Variants in KCNQ1 observed in about 807,000 individuals in gnomAD.
KCNQ1 encodes the protein potassium voltage-gated channel subfamily Q member 1, also known as potassium voltage-gated channel subfamily KQT member 1.
In KCNQ1, 49 loss-of-function variants were observed where a neutral mutation model predicts 72.4. The ratio of observed to expected loss-of-function variants is 0.68; its 90% CI spans 0.54 to 0.86. The LOEUF (loss-of-function observed/expected upper bound fraction) is 0.86, where lower values mean the gene tolerates loss of function less well. Among genes scored for constraint, KCNQ1 ranks in the 40% least tolerant of loss-of-function variants. The pLI, the probability that KCNQ1 is intolerant of heterozygous loss-of-function variation, is 0.00. For synonymous variants in KCNQ1, 450 were observed against 412.6 expected (o/e 1.09, Z -1.10); for missense variants, 790 against 945.1 (o/e 0.84, Z 2.15).
At chr11:2,610,569 C>A (rs1257621522) in intron 10 of KCNQ1, 1 of 398,318 alleles carries the variant, frequency 2.5e-6, no homozygotes, top group East Asian at 3.6e-5. Flanking sequence ...TTCCTGGGAG[C>A]ACTTCCTTTT....
intron 11 of KCNQ1, chr11:2,699,310 G>A (rs1248406914): frequency 4.0e-5 from 16 of 398,942 alleles, no homozygotes; most frequent in Non-Finnish European, 5.3e-5. Context: ...TGGGACGGCC[G>A]CGGGGCACAC....
chr11:2,587,747 C>T, intron 9 of KCNQ1, 55 bp downstream of exon 9: 4 of 1,611,066 alleles, frequency 2.5e-6, no homozygotes, highest in Middle Eastern at 1.6e-4. Context: ...GGTGGGGAGG[C>T]CGTGGGGGCC....
chr11:2,564,700 C>G lies in KCNQ1; in HGVS notation c.478-5928C>G, dbSNP rs879822224. 6.6e-6 allele frequency among the ~76,000 whole-genome samples: 1 copy of G among 152,234 alleles called. No homozygotes were observed. Among genetic ancestry groups the G allele is most frequent in the African/African-American group, 2.4e-5 (1 of 41,460 alleles). ...CAGCTCCAGAGCTTTTTTCATCTTG[C>G]AAAACTGATGAAAGTCTGTCCCCAT... On this transcript the variant is annotated intron_variant, in intron 2 of 15. Coordinates refer to ENST00000155840, the MANE Select transcript of KCNQ1 (RefSeq NM_000218.3). The surrounding 1 kb of genome is among the most constrained non-coding windows in gnomAD (Gnocchi z 4.5).
chr11:2,451,374 C>T lies in KCNQ1; in HGVS notation c.386+5890C>T, dbSNP rs113914394. Among the ~76,000 whole-genome samples the T allele has an allele frequency of 4.2e-3, 647 of 152,250 alleles. 8 individuals are homozygous for T. Among genetic ancestry groups the T allele is most frequent in the African/African-American group, 0.015 (617 of 41,536 alleles). ...CAACAGGAGGTAGAGCTCAGGTGGC[C>T]GTGCACATTCACCTGACGCTCACTC... On this transcript the variant is annotated intron_variant, in intron 1 of 15. Coordinates refer to ENST00000155840, the MANE Select transcript of KCNQ1 (RefSeq NM_000218.3). This position sits in a 1 kb window ranked among gnomAD's most constrained non-coding sequence, Gnocchi z 6.4.
At chr11:2,843,451 GCCTGGTCT>G (rs1314980667) in intron 15 of KCNQ1, among the ~76,000 whole-genome samples, 1 of 152,242 alleles carries the variant, frequency 6.6e-6, no homozygotes, top group Non-Finnish European at 1.5e-5. Flanking sequence ...GGGAGGCCCT[GCCTGGTCT>G]TTAGACACTG....
rs1848245782 is a variant in KCNQ1, at chr11:2,566,255, AG to A, written c.478-4370del. On this transcript the variant is annotated intron_variant, in intron 2 of 15. Transcript: ENST00000155840. The surrounding 1 kb of genome is among the most constrained non-coding windows in gnomAD (Gnocchi z 6.7). ...CTGCACCCACTCATCTGGCAGTAAC[AG>A]GGCCACTTCCAGAACCACCACCATG... Among the ~76,000 whole-genome samples, 1 of 152,202 alleles carries A rather than the reference AG, an allele frequency of 6.6e-6. No individual in the cohort carries two copies. Among genetic ancestry groups the A allele is most frequent in the South Asian group, 2.1e-4 (1 of 4,838 alleles).
intron 15 of KCNQ1, among the ~76,000 whole-genome samples, chr11:2,844,772 G>A (rs371335907): frequency 5.3e-5 from 8 of 152,344 alleles, no homozygotes; most frequent in African/African-American, 1.9e-4. Context: ...ACAGATGTTC[G>A]AGTGCCATAA....
At chr11:2,812,757 G>A (rs1320057693) in intron 15 of KCNQ1, among the ~76,000 whole-genome samples, 3 of 152,152 alleles carry the variant, frequency 2.0e-5, no homozygotes, top group South Asian at 2.1e-4. Context: ...CCACGCCCCC[G>A]AGGCCCCACG....
intron 1 of KCNQ1, among the ~76,000 whole-genome samples, chr11:2,527,051 A>G (rs1468945014): frequency 6.6e-6 from 1 of 152,122 alleles, no homozygotes; most frequent in Admixed American, 6.5e-5. Flanking sequence ...CCTGGAGGGT[A>G]CGTTTGCAGT....
rs534828466 is a variant in KCNQ1 at position 2,709,115 on chromosome 11, C to T, written c.1514+47034C>T. ...CTGGCGAGCGGCTGAGTGTGCTGCA[C>T]AGAATTCGCTGTAACCCTGTTGTGG... On this transcript the variant is annotated intron_variant, in intron 11 of 15. Transcript: ENST00000155840. Among the ~76,000 whole-genome samples, 19 of 152,256 alleles carry T rather than the reference C, an allele frequency of 1.2e-4. No homozygotes were observed. The East Asian group carries it at 3.5e-3, about 28-fold the overall frequency.
In KCNQ1 at chr11:2,664,739, AG is replaced by A; in HGVS notation, c.1514+2661del. On this transcript the variant is annotated intron_variant, in intron 11 of 15. Transcript: ENST00000155840. The surrounding 1 kb of genome is among the most constrained non-coding windows in gnomAD (Gnocchi z 5.1). ...ACACGCCCTGGTGTGTGTGAGGGAC[AG>A]GGATGTGTGCTGGGGTCTCACAGGG... The A allele has an allele frequency of 2.5e-6, 1 of 398,770 alleles. No individual in the cohort carries two copies. The highest frequency in any genetic ancestry group is 3.6e-5 in the East Asian group (1 of 28,088). The allele number at this position is 398,770 out of a possible 1,614,324, so 24.7% of individuals were successfully genotyped here.
chr11:2,600,231 G>A lies in KCNQ1; in HGVS notation c.1393+11377G>A, dbSNP rs1848781725. Reference sequence around the variant, plus strand: ...ATGACCACCAAAAACATCTCCACATGTTGCTACATGTCCCCTGGAGGGCAA... The same window carrying A: ...ATGACCACCAAAAACATCTCCACATATTGCTACATGTCCCCTGGAGGGCAA... On this transcript the variant is annotated intron_variant, in intron 10 of 15. Transcript: ENST00000155840. The surrounding 1 kb of genome is among the most constrained non-coding windows in gnomAD (Gnocchi z 5.6). 6.6e-6 allele frequency among the ~76,000 whole-genome samples: 1 copy of A among 152,166 alleles called. No homozygotes were observed. The highest frequency in any genetic ancestry group is 6.5e-5 in the Admixed American group (1 of 15,282).
In KCNQ1 at chr11:2,663,025, T is replaced by C. The variant is rs939661395; in HGVS notation, c.1514+944T>C. 7.5e-6 allele frequency: 3 copies of C among 398,534 alleles called. No homozygotes were observed. The highest frequency in any genetic ancestry group is 1.3e-5 in the Non-Finnish European group (3 of 226,134). The allele number at this position is 398,534 out of a possible 1,614,324, so 24.7% of individuals were successfully genotyped here. On this transcript the variant is annotated intron_variant, in intron 11 of 15. Transcript: ENST00000155840. This position sits in a 1 kb window ranked among gnomAD's most constrained non-coding sequence, Gnocchi z 5.2. ...AAATCACTGAGGAAATCGGGACCCA[T>C]GGTGCTGGGGGCTGCAGGTGTAACC...
intron 1 of KCNQ1, among the ~76,000 whole-genome samples, chr11:2,456,763 T>TA (rs1474695239): frequency 0.1 from 5,699 of 54,534 alleles, 271 homozygotes; most frequent in African/African-American, 0.13. Flanking sequence ...CTACTAAAAA[T>TA]CCAAAAAAAA....
At position 2,515,858 on chromosome 11, in the gene KCNQ1, T is replaced by C. The variant is rs1847280053; in HGVS notation, c.387-12070T>C. On this transcript the variant is annotated intron_variant, in intron 1 of 15. Coordinates refer to ENST00000155840, the MANE Select transcript of KCNQ1 (RefSeq NM_000218.3). The surrounding 1 kb of genome is among the most constrained non-coding windows in gnomAD (Gnocchi z 4.7). ...GTGCTCTGCCGGGCCACCTGCACCCTCCGGGCCCCAGGAGAAGCTCATGCC... is the reference window on the plus strand; with the variant it reads ...GTGCTCTGCCGGGCCACCTGCACCCCCCGGGCCCCAGGAGAAGCTCATGCC... 6.6e-6 allele frequency among the ~76,000 whole-genome samples: 1 copy of C among 151,916 alleles called. No homozygotes were observed. The highest frequency in any genetic ancestry group is 6.5e-5 in the Admixed American group (1 of 15,268).
chr11:2,741,609 C>T (rs1012824003), intron 11 of KCNQ1, among the ~76,000 whole-genome samples: 2 of 152,218 alleles, frequency 1.3e-5, no homozygotes, highest in Non-Finnish European at 2.9e-5. Flanking sequence ...TCTCTATCCT[C>T]CTGCCCTTTA....
rs74846477 is a variant in KCNQ1 at position 2,785,435 on chromosome 11, T to G, written c.1794+7398T>G. 3.2e-3 allele frequency among the ~76,000 whole-genome samples: 478 copies of G among 151,700 alleles called. 4 individuals are homozygous for G. The East Asian group carries it at 0.05, about 16-fold the overall frequency. The stretch of plus-strand genomic sequence containing the variant: ...GTGTCTTCAACCTAGGAAAGCTGAT[T>G]GAAAGAAAAAAAAAAGAATGTACTT... On this transcript the variant is annotated intron_variant, in intron 15 of 15. Transcript: ENST00000155840. This position sits in a 1 kb window ranked among gnomAD's most constrained non-coding sequence, Gnocchi z 4.4.
At position 2,492,563 on chromosome 11, in the gene KCNQ1, C is replaced by T. The variant is rs190955529; in HGVS notation, c.387-35365C>T. On this transcript the variant is annotated intron_variant, in intron 1 of 15. Coordinates refer to ENST00000155840, the MANE Select transcript of KCNQ1 (RefSeq NM_000218.3). This position sits in a 1 kb window ranked among gnomAD's most constrained non-coding sequence, Gnocchi z 4.1. ...TGTGTGATGTTCCCCTCCCTGTGTC[C>T]GTGTATTCTCATTGTTCAACTTCCA... 3.3e-5 allele frequency among the ~76,000 whole-genome samples: 5 copies of T among 152,252 alleles called. No individual in the cohort carries two copies. The highest frequency in any genetic ancestry group is 4.8e-5 in the African/African-American group (2 of 41,550).
In KCNQ1 at chr11:2,803,151, C is replaced by CG. The variant is rs1847304377; in HGVS notation, c.1794+25117dup. 4.7e-5 allele frequency among the ~76,000 whole-genome samples: 3 copies of CG among 63,676 alleles called. No homozygotes were observed. The highest frequency in any genetic ancestry group is 1.9e-4 in the African/African-American group (3 of 16,028). 41.8% of individuals were successfully genotyped at this position (63,676 alleles called of 152,430 possible). On this transcript the variant is annotated intron_variant, in intron 15 of 15. Transcript: ENST00000155840. The surrounding 1 kb of genome is among the most constrained non-coding windows in gnomAD (Gnocchi z 6.4). ...CTCAGGGTAGCCCAGAAAACCCAGC[C>CG]GGGCCCCCCCCCCCACGGGCACCCA... is the stretch of plus-strand genomic sequence containing the variant.
Sources: allele counts gnomAD v4.1 joint callset (sites outside exome capture counted in the v4.1 genomes callset), GRCh38; gene constraint gnomAD v4.1.1; non-coding constraint Gnocchi (gnomAD v3.1); transcripts MANE v1.5; gene names NCBI Gene and HGNC (gene_info 2026-07-23, HGNC 2026-07-21).